CCDC141: variants seen among roughly 807,000 people sequenced by gnomAD.
CCDC141 encodes the protein coiled-coil domain containing 141, also known as coiled-coil domain-containing protein 141.
Under a neutral mutation model 181.0 loss-of-function variants are expected in CCDC141, and 168 were observed. That is an observed-to-expected ratio of 0.93 (90% CI 0.82 to 1.05). The LOEUF is 1.05. CCDC141 is among the 50% of genes least tolerant of loss of function. The probability of loss-of-function intolerance (pLI) is 0.00; values close to 1 mark genes in which losing one functional copy is unlikely to be tolerated. For synonymous variants in CCDC141, 666 were observed against 642.3 expected (o/e 1.04, Z -0.56); for missense variants, 1,902 against 1,788.5 (o/e 1.06, Z -1.14).
At chr2:178,990,608 G>A in intron 2 of CCDC141, among the ~76,000 whole-genome samples, 1 of 138,890 alleles carries the variant, frequency 7.2e-6, no homozygotes, top group African/African-American at 2.7e-5. Flanking sequence ...GGGGAGGGGA[G>A]GGAAGGGAAG....
chr2:178,973,759 G>A (rs1337217250), intron 4 of CCDC141, among the ~76,000 whole-genome samples: 3 of 152,098 alleles, frequency 2.0e-5, no homozygotes, highest in Non-Finnish European at 4.4e-5. Context: ...ATCCATCATT[G>A]TCAGGTTTCT....
At chr2:178,828,590 G>A (rs191767497), downstream of CCDC141, among the ~76,000 whole-genome samples, 49 of 152,228 alleles carry the variant, frequency 3.2e-4, 1 homozygote, top group Admixed American at 1.1e-3. Flanking sequence ...GGGTTGGCAC[G>A]GCAGCAGCTG....
At chr2:179,019,193 T>C (rs1427853823) in intron 2 of CCDC141, among the ~76,000 whole-genome samples, 1 of 152,254 alleles carries the variant, frequency 6.6e-6, no homozygotes, top group East Asian at 1.9e-4. Context: ...CCAACATTTA[T>C]CCAAATCCAA....
intron 6 of CCDC141, among the ~76,000 whole-genome samples, chr2:178,919,659 G>A (rs975634922): frequency 1.3e-5 from 2 of 152,190 alleles, no homozygotes; most frequent in African/African-American, 4.8e-5. Context: ...CAGTCTCACT[G>A]TCAATGCAGG....
chr2:179,044,982 T>A (rs2043441558), intron 2 of CCDC141, among the ~76,000 whole-genome samples: 1 of 148,754 alleles, frequency 6.7e-6, no homozygotes, highest in Admixed American at 6.7e-5. Context: ...TTTTTTTTTC[T>A]TTCACTTTCA....
rs1016800 is a variant in CCDC141 at position 178,884,774 on chromosome 2, A to G, written c.1719+127T>C. ...TGGTTTACAAGAATACAGGGCCTATAAGTGAGCCCACGCACAGGGGTAGAG... is the reference window on the plus strand; with the variant it reads ...TGGTTTACAAGAATACAGGGCCTATGAGTGAGCCCACGCACAGGGGTAGAG... On this transcript the variant is annotated intron_variant, in intron 11 of 23. Coordinates refer to ENST00000443758, the MANE Select transcript of CCDC141 (RefSeq NM_173648.4). 0.052 allele frequency: 31,195 copies of G among 602,782 alleles called. 1,985 individuals carry two copies. Among genetic ancestry groups the G allele is most frequent in the Admixed American group, 0.17 (5,870 of 33,806 alleles). 37.3% of individuals were successfully genotyped at this position (602,782 alleles called of 1,614,324 possible).
chr2:178,985,707 G>C (rs1691694382), intron 2 of CCDC141, among the ~76,000 whole-genome samples: 1 of 152,120 alleles, frequency 6.6e-6, no homozygotes, highest in Non-Finnish European at 1.5e-5. Flanking sequence ...AAATAAACTA[G>C]AAAATCTAGA....
chr2:178,998,394 C>G (rs1692383718), intron 2 of CCDC141, among the ~76,000 whole-genome samples: 1 of 152,156 alleles, frequency 6.6e-6, no homozygotes, highest in Admixed American at 6.5e-5. Context: ...TCAAATATCT[C>G]TTAAGTATAA....
chr2:178,902,465 A>G (rs996578523), intron 8 of CCDC141, among the ~76,000 whole-genome samples: 10 of 152,320 alleles, frequency 6.6e-5, no homozygotes, highest in Admixed American at 3.3e-4. Context: ...ATCTACAACT[A>G]TCTGATCTTT....
intron 2 of CCDC141, among the ~76,000 whole-genome samples, chr2:179,005,738 T>C (rs778193589): frequency 1.3e-5 from 2 of 152,088 alleles, no homozygotes; most frequent in Non-Finnish European, 2.9e-5. Context: ...CCGACCCCCA[T>C]AGCTGGGACT....
chr2:178,978,591 C>T lies in CCDC141; in HGVS notation c.310G>A (p.Ala104Thr), dbSNP rs563852372. The T allele has an allele frequency of 7.1e-6, 11 of 1,549,948 alleles. No individual in the cohort carries two copies. In the Admixed American group the frequency reaches 2.2e-4, roughly 30 times the overall value. Reference sequence around the variant, plus strand: ...GCTTCACCCAGAGTCTCGGCCATGGCATCATAGACCTGACTCTGATCCTTG... The same window carrying T: ...GCTTCACCCAGAGTCTCGGCCATGGTATCATAGACCTGACTCTGATCCTTG... ...ENKDQSQVYD[A>T]MAETLGEAWA... is the part of the protein sequence containing the mutation. The change falls in exon 3 of 24, where the codon GCC (alanine) becomes ACC (threonine). Residue 104 changes from alanine to threonine, a missense_variant. By Grantham distance (58) the Ala-to-Thr change is moderately conservative. Transcript: ENST00000443758.
At chr2:179,027,114 C>G (rs942260515) in intron 2 of CCDC141, among the ~76,000 whole-genome samples, 2 of 152,084 alleles carry the variant, frequency 1.3e-5, no homozygotes, top group Non-Finnish European at 2.9e-5. Flanking sequence ...CTTTGGGGGA[C>G]TGTTGGGAAG....
At chr2:178,823,303 T>C in the CCDC141 span, among the ~76,000 whole-genome samples, 1 of 152,202 alleles carries the variant, frequency 6.6e-6, no homozygotes, top group Admixed American at 6.5e-5. Context: ...TTATTACCTT[T>C]AGAGGAACTT....
rs535006732 is a variant in CCDC141 at position 178,855,327 on chromosome 2, C to T, written c.3060+20G>A. 1.2e-5 allele frequency: 19 copies of T among 1,588,812 alleles called. 1 individual carries two copies. In the South Asian group the frequency reaches 2.0e-4, roughly 17 times the overall value. The stretch of plus-strand genomic sequence containing the variant: ...TGAAAACAACATTACAACATGGATA[C>T]CACTGCAAAAAGAGAATACCTCTTC... On this transcript the variant is annotated intron_variant, in intron 19 of 23. Transcript: ENST00000443758.
intron 6 of CCDC141, among the ~76,000 whole-genome samples, chr2:178,923,143 C>T (rs1022451480): frequency 9.9e-5 from 14 of 141,364 alleles, no homozygotes; most frequent in Non-Finnish European, 9.0e-5. Flanking sequence ...CTCGCTCTGT[C>T]GCCCAGGCTG....
chr2:178,954,722 C>T, intron 5 of CCDC141, among the ~76,000 whole-genome samples: 1 of 151,576 alleles, frequency 6.6e-6, no homozygotes, highest in Non-Finnish European at 1.5e-5. Context: ...TTCCCTTTTT[C>T]TTAAGTGGTT....
At chr2:178,933,675 T>C (rs1057064011) in intron 6 of CCDC141, among the ~76,000 whole-genome samples, 2 of 152,218 alleles carry the variant, frequency 1.3e-5, no homozygotes, top group South Asian at 2.1e-4. Context: ...TCACATTGTT[T>C]CCAAGGTAAT....
At chr2:178,976,350 T>C (rs1691122141) in intron 3 of CCDC141, among the ~76,000 whole-genome samples, 1 of 152,236 alleles carries the variant, frequency 6.6e-6, no homozygotes, top group African/African-American at 2.4e-5. Context: ...CTATCATTTT[T>C]GAATTTGGGG....
intron 2 of CCDC141, among the ~76,000 whole-genome samples, chr2:178,995,897 A>G (rs535019809): frequency 3.3e-5 from 5 of 152,304 alleles, no homozygotes; most frequent in African/African-American, 7.2e-5. Context: ...TGTATTGTGC[A>G]TATTTTTCAT....
Sources: allele counts gnomAD v4.1 joint callset (sites outside exome capture counted in the v4.1 genomes callset), GRCh38; gene constraint gnomAD v4.1.1; transcripts MANE v1.5; gene names NCBI Gene and HGNC (gene_info 2026-07-23, HGNC 2026-07-21).